Variants in PLCB1 observed in about 807,000 individuals in gnomAD.
PLCB1 encodes 1-phosphatidylinositol 4,5-bisphosphate phosphodiesterase beta-1.
A neutral mutation model predicts 161.8 loss-of-function variants in PLCB1; 46 were observed. That is an observed-to-expected ratio of 0.28 (90% CI 0.22 to 0.36). The LOEUF (loss-of-function observed/expected upper bound fraction) is 0.36. Ranked by LOEUF, PLCB1 falls within the 10% of genes least tolerant of loss-of-function variation. PLCB1 has a pLI of 1.00. For synonymous variants in PLCB1, 517 were observed against 503.7 expected, an observed-to-expected ratio of 1.03 and a Z score of -0.35; for missense variants, 1,016 against 1,472.5, an observed-to-expected ratio of 0.69 and a Z score of 5.07.
intron 3 of PLCB1, among the ~76,000 whole-genome samples, chr20:8,586,199 A>G (rs939242495): frequency 1.3e-5 from 2 of 152,206 alleles, no homozygotes; most frequent in African/African-American, 4.8e-5. Flanking sequence ...GCAAAAGATG[A>G]GTTTCATCCT....
chr20:8,621,250 G>A (rs1293758697), intron 3 of PLCB1, among the ~76,000 whole-genome samples: 3 of 152,070 alleles, frequency 2.0e-5, no homozygotes, highest in Non-Finnish European at 4.4e-5. Context: ...CAGGGCATGT[G>A]GATTTTTTAT....
intron 2 of PLCB1, among the ~76,000 whole-genome samples, chr20:8,349,387 TA>T (rs1165239407): frequency 6.6e-6 from 1 of 152,246 alleles, no homozygotes; most frequent in African/African-American, 2.4e-5. Context: ...TCATGTATTT[TA>T]TCTGGTCTTA....
chr20:8,335,653 C>T (rs1985545671), intron 2 of PLCB1, among the ~76,000 whole-genome samples: 1 of 152,132 alleles, frequency 6.6e-6, no homozygotes, highest in South Asian at 2.1e-4. Flanking sequence ...TGTCTTCCTT[C>T]AAGCATGATG....
chr20:8,268,546 T>A (rs1396519144), intron 2 of PLCB1, among the ~76,000 whole-genome samples: 8 of 152,204 alleles, frequency 5.3e-5, no homozygotes, highest in Non-Finnish European at 7.3e-5. Flanking sequence ...CACCACACTG[T>A]CTTCCACAAT....
intron 3 of PLCB1, among the ~76,000 whole-genome samples, chr20:8,561,875 C>T (rs1312344832): frequency 6.6e-6 from 1 of 151,832 alleles, no homozygotes; most frequent in Non-Finnish European, 1.5e-5. Context: ...CTACAATCTA[C>T]ATATAAGAAC....
intron 2 of PLCB1, among the ~76,000 whole-genome samples, chr20:8,318,687 T>G (rs1461511721): frequency 6.6e-6 from 1 of 152,144 alleles, no homozygotes; most frequent in Non-Finnish European, 1.5e-5. Context: ...CTCCTGTGTT[T>G]ATTTTTTTTG....
intron 2 of PLCB1, among the ~76,000 whole-genome samples, chr20:8,228,088 G>T (rs192585205): frequency 6.6e-6 from 1 of 152,226 alleles, no homozygotes; most frequent in Admixed American, 6.5e-5. Context: ...GAACCTGGGT[G>T]GGGGAGGTTG....
At chr20:8,437,464 T>G (rs1025672425) in intron 3 of PLCB1, among the ~76,000 whole-genome samples, 1 of 152,262 alleles carries the variant, frequency 6.6e-6, no homozygotes, top group African/African-American at 2.4e-5. Flanking sequence ...GCTATTTCAT[T>G]GTAGCACTAT....
At chr20:8,316,371 A>G (rs530346864) in intron 2 of PLCB1, among the ~76,000 whole-genome samples, 13 of 152,140 alleles carry the variant, frequency 8.5e-5, no homozygotes, top group African/African-American at 2.9e-4. Context: ...CTTATTGACA[A>G]TTTCCTTGCT....
intron 9 of PLCB1, among the ~76,000 whole-genome samples, chr20:8,665,198 C>T (rs1989780612): frequency 6.6e-6 from 1 of 152,140 alleles, no homozygotes; most frequent in Non-Finnish European, 1.5e-5. Flanking sequence ...TTTATTTGGC[C>T]TTATAAAGCC....
intron 3 of PLCB1, among the ~76,000 whole-genome samples, chr20:8,584,502 A>ACACACACG (rs1986930764): frequency 6.6e-6 from 1 of 151,730 alleles, no homozygotes; most frequent in Non-Finnish European, 1.5e-5. Flanking sequence ...ACACACACAC[A>ACACACACG]CACACGTGGA....
At chr20:8,712,004 A>G (rs188089040) in intron 12 of PLCB1, among the ~76,000 whole-genome samples, 4 of 152,284 alleles carry the variant, frequency 2.6e-5, no homozygotes, top group Admixed American at 1.3e-4. Context: ...AATTTATACT[A>G]GAAAAAAGGA....
intron 26 of PLCB1, among the ~76,000 whole-genome samples, chr20:8,771,877 G>GTTCC (rs1555789382): frequency 6.7e-6 from 1 of 150,148 alleles, no homozygotes; most frequent in African/African-American, 2.5e-5. Flanking sequence ...TCCTTCCTTC[G>GTTCC]TTCCTTCCTT....
chr20:8,363,919 G>T (rs779677512), intron 2 of PLCB1, among the ~76,000 whole-genome samples: 3 of 152,176 alleles, frequency 2.0e-5, no homozygotes, highest in Admixed American at 2.0e-4. Context: ...GATAATACAT[G>T]CAAATTTTGT....
chr20:8,475,010 GAC>G (rs11468682), intron 3 of PLCB1, among the ~76,000 whole-genome samples: 40,691 of 147,328 alleles, frequency 0.28, 5,656 homozygotes, highest in Non-Finnish European at 0.3. Context: ...CACACACACA[GAC>G]ACACACACAC....
At chr20:8,743,032 C>A (rs1980964304) in intron 23 of PLCB1, among the ~76,000 whole-genome samples, 1 of 151,998 alleles carries the variant, frequency 6.6e-6, no homozygotes, top group Admixed American at 6.5e-5. Context: ...GTTTGGATGC[C>A]CTTTATTTTA....
chr20:8,401,509 A>T (rs113865879), intron 3 of PLCB1, among the ~76,000 whole-genome samples: 90 of 152,330 alleles, frequency 5.9e-4, no homozygotes, highest in Non-Finnish European at 8.8e-4. Flanking sequence ...TATGACAGTG[A>T]CAAAGGAATC....
At chr20:8,341,217 A>G (rs921838754) in intron 2 of PLCB1, among the ~76,000 whole-genome samples, 3 of 152,050 alleles carry the variant, frequency 2.0e-5, no homozygotes, top group Non-Finnish European at 2.9e-5. Context: ...TACTCATTCC[A>G]TGACTTTGCT....
intron 2 of PLCB1, among the ~76,000 whole-genome samples, chr20:8,206,535 A>C (rs1011145186): frequency 6.6e-6 from 1 of 152,128 alleles, no homozygotes; most frequent in Non-Finnish European, 1.5e-5. Context: ...TAATTTGATA[A>C]ATTTAGTAAA....
Sources: allele counts gnomAD v4.1 joint callset (sites outside exome capture counted in the v4.1 genomes callset), GRCh38; gene constraint gnomAD v4.1.1; transcripts MANE v1.5; gene names NCBI Gene and HGNC (gene_info 2026-07-23, HGNC 2026-07-21).